Variants in PLA2G3 observed in about 807,000 individuals in gnomAD.
PLA2G3 encodes phospholipase A2 group III.
In PLA2G3, 39 loss-of-function variants were observed where a neutral mutation model predicts 51.3. The observed-to-expected ratio is 0.76, with a 90% CI of 0.59 to 0.99. PLA2G3 has a LOEUF of 0.99. Among genes scored for constraint, PLA2G3 ranks in the 50% least tolerant of loss-of-function variants. The pLI is 0.00. For synonymous variants in PLA2G3, 293 were observed against 263.1 expected, an observed-to-expected ratio of 1.11 and a Z score of -1.10; for missense variants, 677 against 662.1, an observed-to-expected ratio of 1.02 and a Z score of -0.25.
chr22:31,138,192 A>G (rs1922698829), intron 3 of PLA2G3, 84 bp downstream of exon 3: 2 of 1,516,252 alleles, frequency 1.3e-6, no homozygotes, highest in East Asian at 4.7e-5. Flanking sequence ...TGGAAGACAG[A>G]CAGACAGATA....
In PLA2G3 at chr22:31,139,877, C is replaced by G; in HGVS notation, c.478G>C (p.Gly160Arg). ...GWTMPGTLWC[G>R]VGDSAGNSSE... ...GAGTTCCCAGCAGAATCTCCAACTC[C>G]ACACCACAGTGTGCCAGGCATGGTC... Residue 160 changes from glycine to arginine, a missense_variant, in exon 1 of 7, where the codon GGA (glycine) becomes CGA (arginine). Transcript: ENST00000215885. 6.2e-7 allele frequency: 1 copy of G among 1,613,912 alleles called. No individual in the cohort carries two copies. Among genetic ancestry groups the G allele is most frequent in the Non-Finnish European group, 8.5e-7 (1 of 1,179,958 alleles).
At position 31,138,871 on chromosome 22, in the gene PLA2G3, T is replaced by A. The variant is rs1922745259; in HGVS notation, c.515-72A>T. On this transcript the variant is annotated intron_variant, in intron 1 of 6. Transcript: ENST00000215885. ...GCATCATGCACCAGCTATGCCCCCC[T>A]GGTAGGAAGAGGGCAGAGACCTGGT... 3.3e-6 allele frequency: 5 copies of A among 1,526,080 alleles called. No individual in the cohort carries two copies. The African/African-American group carries it at 4.1e-5, about 13-fold the overall frequency. 94.5% of individuals were successfully genotyped at this position (1,526,080 alleles called of 1,614,324 possible). A position where few individuals can be genotyped will look rare whatever the true frequency, so the allele number is the denominator to read the frequency against.
At position 31,140,302 on chromosome 22, in the gene PLA2G3, AG is replaced by A; in HGVS notation, c.52del (p.Leu18TrpfsTer16). On this transcript the variant is annotated frameshift_variant, in exon 1 of 7. Transcript: ENST00000215885. LOFTEE classifies it high-confidence loss of function. Reference protein sequence around the residue: ...FGMLGFLGVALGGSPALRWYR... With the variant: ...FGMLGFLGVAXGGSPALRWYR... ...CCAGCGGAGGGCAGGGGAGCCCCCCAGGGCCACCCCCAGGAAGCCCAGCATC... is the reference window on the plus strand; with the variant it reads ...CCAGCGGAGGGCAGGGGAGCCCCCCAGGCCACCCCCAGGAAGCCCAGCATC... 6.2e-7 allele frequency: 1 copy of A among 1,610,772 alleles called. No individual in the cohort carries two copies. Among genetic ancestry groups the A allele is most frequent in the South Asian group, 1.1e-5 (1 of 91,050 alleles).
Position 31,137,811 on chromosome 22 carries a change from C to A in PLA2G3, c.965G>T (p.Ser322Ile). The part of the protein sequence containing the change: ...PPHQKGSKRP[S>I]KANTTALQDP... ...CTGGAGGGCTGTGGTGTTGGCTTTG[C>A]TGGGGCGCTTGGACCCTTTCTGATG... Residue 322 changes from serine to isoleucine, a missense_variant, in exon 4 of 7, where the codon AGC becomes ATC. Ser to Ile is a moderately radical substitution (Grantham distance 142). Transcript: ENST00000215885. 2 of 1,614,062 alleles carry A rather than the reference C, an allele frequency of 1.2e-6. No individual in the cohort carries two copies. The highest frequency in any genetic ancestry group is 1.7e-6 in the Non-Finnish European group (2 of 1,180,000).
intron 1 of PLA2G3, 136 bp downstream of exon 1, chr22:31,139,705 C>T (rs900062078): frequency 9.5e-6 from 6 of 631,188 alleles, no homozygotes; most frequent in Non-Finnish European, 1.7e-5. Flanking sequence ...CCCCACTTTA[C>T]AGATAAGGAA....
Position 31,135,681 on chromosome 22 carries a change from G to T in PLA2G3, c.*42C>A. The T allele has an allele frequency of 6.7e-7, 1 of 1,490,312 alleles. No individual in the cohort carries two copies. The highest frequency in any genetic ancestry group is 1.1e-5 in the South Asian group (1 of 88,306). The allele number at this position is 1,490,312 out of a possible 1,614,324, so 92.3% of individuals were successfully genotyped here. On this transcript the variant is annotated 3_prime_UTR_variant, in exon 7 of 7. Coordinates refer to ENST00000215885, the MANE Select transcript of PLA2G3 (RefSeq NM_015715.5). Reference sequence around the variant, plus strand: ...GATTCCCAAGGCTTGGCATAGCCATGGGCAAGGTCCAGGCTGGTGCCCAGG... The same window carrying T: ...GATTCCCAAGGCTTGGCATAGCCATTGGCAAGGTCCAGGCTGGTGCCCAGG...
intron 5 of PLA2G3, 32 bp from the exon 6 acceptor site, chr22:31,136,831 G>A (rs1406215148): frequency 1.9e-6 from 3 of 1,602,668 alleles, no homozygotes; most frequent in Non-Finnish European, 2.6e-6. Context: ...GGCCGGGGCA[G>A]GGCCTTGCCA....
rs200040239 is a variant in PLA2G3, at chr22:31,140,342, C to G, written c.13G>C (p.Ala5Pro). Residue 5 changes from alanine (A) to proline (P), a missense_variant, in exon 1 of 7, where the codon GCA (alanine) becomes CCA (proline). Coordinates refer to ENST00000215885, the MANE Select transcript of PLA2G3 (RefSeq NM_015715.5). ...AAGCCCAGCATCCCAAACAGCCCTGCCTGAACCCCCATTCTGCACTGGCCC... is the reference window on the plus strand; with the variant it reads ...AAGCCCAGCATCCCAAACAGCCCTGGCTGAACCCCCATTCTGCACTGGCCC... MGVQ[A>P]GLFGMLGFLG... 8.8e-5 allele frequency: 141 copies of G among 1,598,150 alleles called. No homozygotes were observed. Among genetic ancestry groups the G allele is most frequent in the Non-Finnish European group, 1.1e-4 (132 of 1,176,014 alleles).
chr22:31,135,917 C>A lies in PLA2G3; in HGVS notation c.1336G>T (p.Ala446Ser). ...AAGTGCCGGGCTGACACCCTGATGG[C>A]CCTAGGGTCTCTGGAACAGCTGTAA... ...EGKNCSRDPR[A>S]IRVSARHLRR... The change falls in exon 7 of 7, where the codon GCC (alanine) becomes TCC (serine). Residue 446 changes from alanine (A) to serine (S), a missense_variant. Physicochemically the swap from Ala to Ser is moderately conservative, Grantham distance 99 (BLOSUM62 1). Transcript: ENST00000215885. The A allele has an allele frequency of 6.2e-7, 1 of 1,613,538 alleles. No individual in the cohort carries two copies. Among genetic ancestry groups the A allele is most frequent in the Non-Finnish European group, 8.5e-7 (1 of 1,179,974 alleles).
intron 6 of PLA2G3, among the ~76,000 whole-genome samples, chr22:31,136,409 G>A (rs1049449474): frequency 6.6e-6 from 1 of 152,156 alleles, no homozygotes; most frequent in Admixed American, 6.5e-5. Context: ...TGGTTCCTAC[G>A]ACCATTTTAC....
rs907802150 is a variant in PLA2G3 at position 31,135,818 on chromosome 22, G to T, written c.1435C>A (p.Pro479Thr). The change falls in exon 7 of 7, where the codon CCC (proline) becomes ACC (threonine). Residue 479 changes from proline (P) to threonine (T), a missense_variant. By Grantham distance (38) the Pro-to-Thr change is conservative. Transcript: ENST00000215885. ...TDERQPWPSE[P>T]LRGPMSFYNQ... ...TAGAATGACATGGGGCCTCTCAGGG[G>T]CTCTGAAGGCCATGGCTGCCTCTCA... 4.3e-6 allele frequency: 7 copies of T among 1,613,678 alleles called. No individual in the cohort carries two copies. The highest frequency in any genetic ancestry group is 5.9e-6 in the Non-Finnish European group (7 of 1,179,850).
In PLA2G3 at chr22:31,137,835, TGTG is replaced by T. The variant is rs1383568072; in HGVS notation, c.938_940del (p.Pro313del). 5 of 1,614,024 alleles carry T rather than the reference TGTG, an allele frequency of 3.1e-6. No homozygotes were observed. The highest frequency in any genetic ancestry group is 4.5e-5 in the East Asian group (2 of 44,862). On this transcript the variant is annotated inframe_deletion, in exon 4 of 7. Coordinates refer to ENST00000215885, the MANE Select transcript of PLA2G3 (RefSeq NM_015715.5). ...GCTGGGGCGCTTGGACCCTTTCTGA[TGTG>T]GTGGCCCCTTCCGAAGGTGCTGCTT...
rs770836478 is a variant in PLA2G3, at chr22:31,135,891, C to G, written c.1362G>C (p.Leu454Phe). Residue 454 changes from leucine to phenylalanine, a missense_variant, in exon 7 of 7, where the codon TTG becomes TTC. By Grantham distance (22) the Leu-to-Phe change is conservative (BLOSUM62 0). Transcript: ENST00000215885. ...GGTGTCGCCTCTGCTGAAGCCTCCG[C>G]AAGTGCCGGGCTGACACCCTGATGG... ...PRAIRVSARHLRRLQQRRHQL... is the reference protein window; with the variant it reads ...PRAIRVSARHFRRLQQRRHQL... The G allele has an allele frequency of 6.2e-7, 1 of 1,613,852 alleles. No individual in the cohort carries two copies. The highest frequency in any genetic ancestry group is 1.1e-5 in the South Asian group (1 of 91,088).
At chr22:31,137,647 C>G in intron 4 of PLA2G3, 63 bp downstream of exon 4, 2 of 1,459,500 alleles carry the variant, frequency 1.4e-6, no homozygotes, top group Non-Finnish European at 1.8e-6. Context: ...CATGGCCACC[C>G]CTAAACAGAA....
At position 31,140,338 on chromosome 22, in the gene PLA2G3, C is replaced by A. The variant is rs1391286951; in HGVS notation, c.17G>T (p.Gly6Val). ...CAGGAAGCCCAGCATCCCAAACAGC[C>A]CTGCCTGAACCCCCATTCTGCACTG... is the stretch of plus-strand genomic sequence containing the variant. MGVQA[G>V]LFGMLGFLGV... Residue 6 changes from glycine to valine, a missense_variant, in exon 1 of 7, where the codon GGG (glycine) becomes GTG (valine). Gly to Val is a moderately radical substitution (Grantham distance 109, BLOSUM62 -3). Transcript: ENST00000215885. 2.6e-5 allele frequency: 41 copies of A among 1,599,962 alleles called. 1 individual carries two copies. Among genetic ancestry groups the A allele is most frequent in the Admixed American group, 8.5e-5 (5 of 59,150 alleles).
At chr22:31,139,738 T>C in intron 1 of PLA2G3, 103 bp downstream of exon 1, 1 of 746,672 alleles carries the variant, frequency 1.3e-6, no homozygotes, top group Non-Finnish European at 2.2e-6. Context: ...CATGGTCAAG[T>C]CACTCCCCCA....
chr22:31,136,086 A>C, intron 6 of PLA2G3, 150 bp from the exon 7 acceptor site: 1 of 646,014 alleles, frequency 1.5e-6, no homozygotes, highest in Non-Finnish European at 2.6e-6. Flanking sequence ...GAGAAAGGGT[A>C]TAATAAACCG....
intron 1 of PLA2G3, 49 bp from the exon 2 acceptor site, chr22:31,138,848 A>G: frequency 6.2e-7 from 1 of 1,602,554 alleles, no homozygotes; most frequent in Non-Finnish European, 8.5e-7. Flanking sequence ...GGTCCTAGGC[A>G]TCATGCACCA....
At chr22:31,136,604 G>C (rs921300111) in intron 6 of PLA2G3, 79 bp downstream of exon 6, 6 of 1,109,082 alleles carry the variant, frequency 5.4e-6, no homozygotes, top group Non-Finnish European at 8.2e-6. Context: ...CTACCCCTTG[G>C]CCCAAGCATT....
Sources: allele counts gnomAD v4.1 joint callset (sites outside exome capture counted in the v4.1 genomes callset), GRCh38; gene constraint gnomAD v4.1.1; transcripts MANE v1.5; gene names NCBI Gene and HGNC (gene_info 2026-07-23, HGNC 2026-07-21).